LGR4: variants seen among roughly 807,000 people sequenced by gnomAD.
LGR4 encodes leucine-rich repeat-containing G protein-coupled receptor 4.
A neutral mutation model predicts 84.8 loss-of-function variants in LGR4; 44 were observed. The ratio of observed to expected loss-of-function variants is 0.52; its 90% confidence interval spans 0.41 to 0.67. LGR4 has a LOEUF of 0.67. Ranked by LOEUF, LGR4 falls within the 30% of genes least tolerant of loss-of-function variation. LGR4 has a pLI of 0.00. For missense variants in LGR4, 1,032 were observed against 1,131.4 expected, an observed-to-expected ratio of 0.91 and a Z score of 1.26; for synonymous variants, 429 against 434.3, an observed-to-expected ratio of 0.99 and a Z score of 0.15.
Position 27,380,357 on chromosome 11 carries a change from A to C in LGR4, c.903-18T>G. 1 of 1,583,678 alleles carries C rather than the reference A, an allele frequency of 6.3e-7. No homozygotes were observed. The highest frequency in any genetic ancestry group is 8.6e-7 in the Non-Finnish European group (1 of 1,160,222). On this transcript the variant is annotated intron_variant, in intron 9 of 17. Transcript: ENST00000379214. ...GAATGACTCTTTATGAAATTGAGAA[A>C]GACAAGGTAATTTTTAAATTTTTTT...
At chr11:27,396,562 C>A (rs189136510) in intron 2 of LGR4, among the ~76,000 whole-genome samples, 2 of 151,792 alleles carry the variant, frequency 1.3e-5, no homozygotes, top group Non-Finnish European at 1.5e-5. Context: ...TAGGCAACTC[C>A]GGAGGAAAAA....
chr11:27,458,577 C>T lies in LGR4; in HGVS notation c.185+13541G>A, dbSNP rs190270657. 2.5e-3 allele frequency among the ~76,000 whole-genome samples: 380 copies of T among 150,512 alleles called. 1 individual carries two copies. The highest frequency in any genetic ancestry group is 4.5e-3 in the Non-Finnish European group (302 of 67,654). ...TTTTGAGATGGAATTTCGCTCTTTT[C>T]ACCCAGGCTGGAATGCAATGGCACG... On this transcript the variant is annotated intron_variant, in intron 1 of 17. Transcript: ENST00000379214.
chr11:27,460,022 G>T, intron 1 of LGR4, among the ~76,000 whole-genome samples: 1 of 152,168 alleles, frequency 6.6e-6, no homozygotes, highest in Middle Eastern at 3.4e-3. Flanking sequence ...ACCGGGAAGC[G>T]GAGGCTACAG....
At chr11:27,408,389 A>G (rs1295796480) in intron 2 of LGR4, among the ~76,000 whole-genome samples, 10 of 152,182 alleles carry the variant, frequency 6.6e-5, no homozygotes, top group Admixed American at 6.6e-4. Context: ...TATCCTAGTC[A>G]TATAGTGTGC....
chr11:27,413,515 A>G (rs1292996764), intron 1 of LGR4, among the ~76,000 whole-genome samples: 2 of 152,184 alleles, frequency 1.3e-5, no homozygotes, highest in Admixed American at 6.6e-5. Flanking sequence ...AAAATACTTT[A>G]TTAACCATTT....
At chr11:27,417,993 T>C (rs1863852435) in intron 1 of LGR4, among the ~76,000 whole-genome samples, 1 of 152,234 alleles carries the variant, frequency 6.6e-6, no homozygotes, top group Non-Finnish European at 1.5e-5. Context: ...AGAGGTTAAT[T>C]AAGGGCTTCC....
chr11:27,393,735 T>A (rs747663389), intron 2 of LGR4, among the ~76,000 whole-genome samples: 26 of 152,194 alleles, frequency 1.7e-4, no homozygotes, highest in Non-Finnish European at 3.7e-4. Context: ...ACTTCTAATC[T>A]GTTCTACTTG....
intron 2 of LGR4, among the ~76,000 whole-genome samples, chr11:27,411,738 T>C (rs369112603): frequency 2.2e-4 from 33 of 152,120 alleles, no homozygotes; most frequent in African/African-American, 7.7e-4. Flanking sequence ...TTTGACTAAG[T>C]AGTGTGGGAA....
intron 17 of LGR4, 73 bp downstream of exon 17, chr11:27,371,542 C>T: frequency 9.7e-7 from 1 of 1,033,624 alleles, no homozygotes; most frequent in Non-Finnish European, 1.5e-6. Flanking sequence ...CACATCTATA[C>T]CCAGGACATT....
intron 1 of LGR4, among the ~76,000 whole-genome samples, chr11:27,438,011 C>G (rs1376226910): frequency 6.6e-6 from 1 of 151,888 alleles, no homozygotes; most frequent in Non-Finnish European, 1.5e-5. Context: ...GCAAGACTCT[C>G]CACCCGCCCC....
rs1407541151 is a variant in LGR4 at position 27,368,277 on chromosome 11, T to C, written c.2446A>G (p.Lys816Glu). The change falls in exon 18 of 18, where the codon AAG becomes GAG. Residue 816 changes from lysine (K) to glutamate (E), a missense_variant. By Grantham distance (56) the Lys-to-Glu change is moderately conservative (BLOSUM62 1). Coordinates refer to ENST00000379214, the MANE Select transcript of LGR4 (RefSeq NM_018490.5). ...PKFKEDWKLL[K>E]RRVTKKSGSV... ...CCACTTTTCTTGGTAACACGTCGCT[T>C]CAGTAACTTCCAGTCTTCTTTAAAC... The C allele has an allele frequency of 6.2e-7, 1 of 1,614,108 alleles. No individual in the cohort carries two copies. Among genetic ancestry groups the C allele is most frequent in the African/African-American group, 1.3e-5 (1 of 74,948 alleles).
intron 1 of LGR4, among the ~76,000 whole-genome samples, chr11:27,467,112 T>C (rs1451557043): frequency 3.9e-5 from 6 of 152,034 alleles, no homozygotes. Flanking sequence ...GCTCAGATCA[T>C]ATCCAGTACA....
intron 2 of LGR4, among the ~76,000 whole-genome samples, chr11:27,392,791 A>T (rs1342662630): frequency 1.3e-5 from 2 of 152,142 alleles, no homozygotes; most frequent in Non-Finnish European, 2.9e-5. Context: ...AAACACATTA[A>T]ACCAAATTAA....
At chr11:27,373,484 C>A in intron 15 of LGR4, 67 bp downstream of exon 15, 2 of 1,423,940 alleles carry the variant, frequency 1.4e-6, no homozygotes, top group Admixed American at 2.4e-5. Flanking sequence ...AGCAAAAAAC[C>A]AGGACACTCT....
At chr11:27,420,521 A>C (rs1446493372) in intron 1 of LGR4, among the ~76,000 whole-genome samples, 2 of 152,178 alleles carry the variant, frequency 1.3e-5, no homozygotes, top group Non-Finnish European at 2.9e-5. Flanking sequence ...GCTGTTGTGC[A>C]CAGGTACAAA....
chr11:27,385,435 G>A lies in LGR4; in HGVS notation c.435C>T (p.Pro145=), dbSNP rs772623998. ...RLDANHITSV[P]EDSFEGLVQL... ...GAACAAGTCCTTCAAAACTGTCCTC[G>A]GGGACTGAGGTAATATGGTTGGCAT... Residue 145 remains proline, a synonymous_variant, in exon 5 of 18, where the codon CCC becomes CCT. Coordinates refer to ENST00000379214, the MANE Select transcript of LGR4 (RefSeq NM_018490.5). The A allele has an allele frequency of 8.1e-6, 13 of 1,609,388 alleles. No individual in the cohort carries two copies. Among genetic ancestry groups the A allele is most frequent in the East Asian group, 6.7e-5 (3 of 44,742 alleles).
rs747539328 is a variant in LGR4, at chr11:27,369,131, G to A, written c.1592C>T (p.Pro531Leu). 4.4e-6 allele frequency: 7 copies of A among 1,591,326 alleles called. No homozygotes were observed. The highest frequency in any genetic ancestry group is 6.0e-6 in the Non-Finnish European group (7 of 1,171,050). The change falls in exon 18 of 18, where the codon CCC (proline) becomes CTC (leucine). Residue 531 changes from proline (P) to leucine (L), a missense_variant. Transcript: ENST00000379214. Reference protein sequence around the residue: ...HCTPSTGAFKPCEYLLGSWMI... With the variant: ...HCTPSTGAFKLCEYLLGSWMI... ...CCAGCTTCCCAGTAAATATTCACAG[G>A]GCTTAAAAGCACCTAAAAAAAACAC...
At chr11:27,380,246 C>A (rs372409641) in intron 10 of LGR4, 25 bp downstream of exon 10, 78 of 1,488,656 alleles carry the variant, frequency 5.2e-5, no homozygotes, top group Non-Finnish European at 6.3e-5. Flanking sequence ...CTTTATACAA[C>A]CCCTCTTCAA....
intron 9 of LGR4, 21 bp from the exon 10 acceptor site, chr11:27,380,360 C>A: frequency 6.3e-7 from 1 of 1,576,528 alleles, no homozygotes. Context: ...TTGAGAAAGA[C>A]AAGGTAATTT....
Sources: gnomAD v4.1 joint callset for allele counts (sites outside exome capture counted in the v4.1 genomes callset) on GRCh38, gnomAD v4.1.1 for gene constraint, MANE v1.5 for transcripts, NCBI Gene and HGNC (gene_info 2026-07-23, HGNC 2026-07-21) for gene names.